The following GAPVD1 variants were observed in gnomAD, a reference collection of about 807,000 sequenced individuals.
The protein encoded by GAPVD1 is GTPase-activating protein and VPS9 domain-containing protein 1.
A neutral mutation model predicts 155.5 loss-of-function variants in GAPVD1; 35 were observed. The observed-to-expected ratio is 0.23, with a 90% CI of 0.17 to 0.30. The LOEUF (loss-of-function observed/expected upper bound fraction) is 0.30. Ranked by LOEUF, GAPVD1 falls within the 10% of genes least tolerant of loss-of-function variation. The pLI is 1.00. For missense variants in GAPVD1, 1,429 were observed against 1,775.7 expected (o/e 0.80, Z 3.51); for synonymous variants, 636 against 619.7 (o/e 1.03, Z -0.39).
At chr9:125,332,479 C>T in intron 14 of GAPVD1, 31 bp from the exon 15 acceptor site, 1 of 1,524,684 alleles carries the variant, frequency 6.6e-7, no homozygotes, top group Non-Finnish European at 8.9e-7. Flanking sequence ...TGTTCTTCTT[C>T]CTGTTTATTT....
intron 2 of GAPVD1, among the ~76,000 whole-genome samples, chr9:125,271,772 A>G (rs1266066025): frequency 6.6e-6 from 1 of 152,026 alleles, no homozygotes; most frequent in Non-Finnish European, 1.5e-5. Flanking sequence ...GCTAGTCTTG[A>G]ACTCCTGACC....
chr9:125,312,211 C>G (rs1370495228), intron 8 of GAPVD1, among the ~76,000 whole-genome samples: 1 of 152,172 alleles, frequency 6.6e-6, no homozygotes, highest in Admixed American at 6.5e-5. Flanking sequence ...CACTTCCTGT[C>G]AGATGCACTT....
intron 19 of GAPVD1, among the ~76,000 whole-genome samples, chr9:125,343,274 C>G (rs995655339): frequency 4.0e-5 from 6 of 151,672 alleles, no homozygotes; most frequent in African/African-American, 1.5e-4. Flanking sequence ...TCTTCTTCTT[C>G]CAGTGTGGCC....
intron 1 of GAPVD1, among the ~76,000 whole-genome samples, chr9:125,264,408 T>C (rs1833490774): frequency 6.6e-6 from 1 of 152,204 alleles, no homozygotes; most frequent in African/African-American, 2.4e-5. Flanking sequence ...TTGGTCAGGC[T>C]GGTCTCAAAG....
chr9:125,349,268 T>C (rs1848965789), intron 20 of GAPVD1, 122 bp from the exon 21 acceptor site: 2 of 781,130 alleles, frequency 2.6e-6, no homozygotes, highest in Non-Finnish European at 4.1e-6. Flanking sequence ...TTCTTTTTTT[T>C]CCAGAGAACT....
chr9:125,302,841 T>C lies in GAPVD1; in HGVS notation c.1029+15T>C. The C allele has an allele frequency of 1.9e-6, 3 of 1,566,528 alleles. No individual in the cohort carries two copies. Among genetic ancestry groups the C allele is most frequent in the Non-Finnish European group, 2.6e-6 (3 of 1,157,204 alleles). On this transcript the variant is annotated intron_variant, in intron 5 of 27. Transcript: ENST00000297933. ...ATCTGATGCAGGTATGCTTTTGCTA[T>C]TATTATTAACGTGGCATTTAGTTTA...
At chr9:125,264,311 C>T (rs945323514) in intron 1 of GAPVD1, among the ~76,000 whole-genome samples, 4 of 152,114 alleles carry the variant, frequency 2.6e-5, no homozygotes, top group Non-Finnish European at 5.9e-5. Context: ...TCTTGTGCCT[C>T]AGCTTCCTGA....
chr9:125,360,176 T>C (rs2132685808), intron 26 of GAPVD1, among the ~76,000 whole-genome samples: 1 of 152,346 alleles, frequency 6.6e-6, no homozygotes, highest in East Asian at 1.9e-4. Context: ...AAGTCCTCTT[T>C]TAGTAGTTTG....
chr9:125,284,373 T>G (rs1837294495), intron 2 of GAPVD1, among the ~76,000 whole-genome samples: 1 of 151,432 alleles, frequency 6.6e-6, no homozygotes, highest in Non-Finnish European at 1.5e-5. Context: ...AGAGATGGGA[T>G]TTCACCATGC....
Position 125,337,695 on chromosome 9 carries a change from G to A in GAPVD1, c.2877+104G>A, listed in dbSNP as rs1847239395. 3.6e-6 allele frequency: 4 copies of A among 1,107,548 alleles called. No homozygotes were observed. The African/African-American group carries it at 6.2e-5, about 17-fold the overall frequency. The allele number at this position is 1,107,548 out of a possible 1,614,324, so 68.6% of individuals were successfully genotyped here. Reference sequence around the variant, plus strand: ...ATAAATCTAGGATTACAGATAGAGAGTAGTCATGATTAAAGATGATTTGTC... The same window carrying A: ...ATAAATCTAGGATTACAGATAGAGAATAGTCATGATTAAAGATGATTTGTC... On this transcript the variant is annotated intron_variant, in intron 17 of 27. Transcript: ENST00000297933.
intron 1 of GAPVD1, chr9:125,263,802 G>A (rs1009641740): frequency 1.3e-5 from 14 of 1,044,688 alleles, no homozygotes; most frequent in Admixed American, 8.4e-5. Context: ...GAGGCCTGCC[G>A]GTCTCTGGAC....
intron 1 of GAPVD1, among the ~76,000 whole-genome samples, chr9:125,264,835 C>G (rs1358509123): frequency 6.6e-6 from 1 of 151,886 alleles, no homozygotes; most frequent in Non-Finnish European, 1.5e-5. Flanking sequence ...TCTCCTGCCT[C>G]AGCCTCCCAG....
chr9:125,312,586 A>G lies in GAPVD1; in HGVS notation c.1576A>G (p.Thr526Ala). 1 of 1,589,768 alleles carries G rather than the reference A, an allele frequency of 6.3e-7. No homozygotes were observed. The highest frequency in any genetic ancestry group is 8.5e-7 in the Non-Finnish European group (1 of 1,173,264). ...TTCCTTAGGTACAGGTCCCCAGCTT[A>G]CTCCAGGGATGATGTCAGAAAATGA... ...VISLGTGPQLTPGMMSENEVL... is the reference protein window; with the variant it reads ...VISLGTGPQLAPGMMSENEVL... The change falls in exon 9 of 28, where the codon ACT becomes GCT. Residue 526 changes from threonine to alanine, a missense_variant. By Grantham distance (58) the Thr-to-Ala change is moderately conservative. Coordinates refer to ENST00000297933, the MANE Select transcript of GAPVD1 (RefSeq NM_001282680.3).
At chr9:125,274,872 A>G (rs865829566) in intron 2 of GAPVD1, among the ~76,000 whole-genome samples, 12 of 152,292 alleles carry the variant, frequency 7.9e-5, no homozygotes, top group Non-Finnish European at 1.3e-4. Context: ...AGAGAAGTAA[A>G]GTAACTAGCC....
chr9:125,356,272 A>C (rs1042182167), intron 25 of GAPVD1, among the ~76,000 whole-genome samples: 2 of 152,094 alleles, frequency 1.3e-5, no homozygotes, highest in Non-Finnish European at 2.9e-5. Context: ...TTGCCATTTG[A>C]CATCTGTTTG....
intron 19 of GAPVD1, among the ~76,000 whole-genome samples, chr9:125,344,959 A>G (rs1480301510): frequency 1.3e-5 from 2 of 152,184 alleles, no homozygotes; most frequent in African/African-American, 2.4e-5. Flanking sequence ...CAAAAATACT[A>G]AATTACTTTG....
intron 2 of GAPVD1, among the ~76,000 whole-genome samples, chr9:125,277,535 A>G (rs1458859143): frequency 6.6e-6 from 1 of 152,206 alleles, no homozygotes; most frequent in Non-Finnish European, 1.5e-5. Flanking sequence ...TGTATCCTTC[A>G]GTATCCCTAA....
chr9:125,345,698 A>G (rs545033174), intron 19 of GAPVD1, among the ~76,000 whole-genome samples: 1 of 152,316 alleles, frequency 6.6e-6, no homozygotes, highest in East Asian at 1.9e-4. Context: ...AATGAGGATG[A>G]TAACAACGTT....
intron 2 of GAPVD1, among the ~76,000 whole-genome samples, chr9:125,276,356 C>T (rs1237220355): frequency 1.3e-5 from 2 of 152,140 alleles, no homozygotes; most frequent in Non-Finnish European, 2.9e-5. Flanking sequence ...TCACTTGTTT[C>T]AAATTTTTTC....
Sources: gnomAD v4.1 joint callset for allele counts (sites outside exome capture counted in the v4.1 genomes callset) on GRCh38, gnomAD v4.1.1 for gene constraint, MANE v1.5 for transcripts, NCBI Gene and HGNC (gene_info 2026-07-23, HGNC 2026-07-21) for gene names.